Variants in CFAP251 observed in about 807,000 individuals in gnomAD.
The protein encoded by CFAP251 is cilia- and flagella-associated protein 251.
A neutral mutation model predicts 126.7 loss-of-function variants in CFAP251; 93 were observed. The ratio of observed to expected loss-of-function variants is 0.73; its 90% CI spans 0.62 to 0.87. CFAP251 has a LOEUF of 0.87. Among genes scored for constraint, CFAP251 ranks in the 40% least tolerant of loss-of-function variants. The probability of loss-of-function intolerance (pLI) is 0.00; values close to 1 mark genes in which losing one functional copy is unlikely to be tolerated. For synonymous variants in CFAP251, 503 were observed against 506.9 expected, an observed-to-expected ratio of 0.99 and a Z score of 0.10; for missense variants, 1,287 against 1,389.2, an observed-to-expected ratio of 0.93 and a Z score of 1.17.
chr12:121,992,380 G>C, intron 19 of CFAP251: 2 of 985,386 alleles, frequency 2.0e-6, no homozygotes, highest in Non-Finnish European at 2.4e-6. Flanking sequence ...AGTCATACGG[G>C]AAGAGAGAGT....
intron 3 of CFAP251, among the ~76,000 whole-genome samples, chr12:121,926,476 A>T (rs984404011): frequency 6.6e-6 from 1 of 151,946 alleles, no homozygotes; most frequent in Non-Finnish European, 1.5e-5. Context: ...ACAGGTGTGT[A>T]TCACCACACC....
chr12:121,947,843 T>A (rs1300182831), intron 7 of CFAP251: 1 of 152,226 alleles, frequency 6.6e-6, no homozygotes, highest in East Asian at 1.9e-4. Flanking sequence ...CCCAGGCTTT[T>A]GTGCTGTTCT....
chr12:121,987,827 C>T (rs1230087213), intron 19 of CFAP251, among the ~76,000 whole-genome samples: 1 of 152,018 alleles, frequency 6.6e-6, no homozygotes, highest in Admixed American at 6.6e-5. Flanking sequence ...ACCGAGGGCA[C>T]AGCCAGGGTT....
chr12:121,948,957 A>T, intron 7 of CFAP251, 27 bp from the exon 8 acceptor site: 1 of 1,337,760 alleles, frequency 7.5e-7, no homozygotes, highest in South Asian at 1.4e-5. Flanking sequence ...ATTTATCATT[A>T]ATGTATTTTC....
At chr12:121,948,840 A>G (rs1565909353) in intron 7 of CFAP251, 144 bp from the exon 8 acceptor site, 3 of 502,284 alleles carry the variant, frequency 6.0e-6, no homozygotes, top group East Asian at 3.6e-5. Flanking sequence ...TGATATTCCT[A>G]TTTTTTTTTA....
intron 17 of CFAP251, chr12:121,969,616 G>T: frequency 1.3e-6 from 1 of 772,766 alleles, no homozygotes; most frequent in East Asian, 1.3e-4. Context: ...CTCCTGAGTA[G>T]CTGGGACCAC....
intron 19 of CFAP251, among the ~76,000 whole-genome samples, chr12:121,993,774 G>GT (rs1565925403): frequency 2.8e-5 from 3 of 107,130 alleles, no homozygotes; most frequent in African/African-American, 7.0e-5. Flanking sequence ...TGCCCGGCCA[G>GT]CACCCCGTCC....
intron 8 of CFAP251, chr12:121,950,961 G>C (rs1881499508): frequency 1.3e-5 from 2 of 152,098 alleles, no homozygotes; most frequent in Non-Finnish European, 2.9e-5. Context: ...GCTCACGCCT[G>C]TAATCCCAAC....
At chr12:121,991,336 C>T (rs1882870283) in intron 19 of CFAP251, among the ~76,000 whole-genome samples, 1 of 152,204 alleles carries the variant, frequency 6.6e-6, no homozygotes, top group African/African-American at 2.4e-5. Context: ...TGCACCGCAG[C>T]TGCCACCCAT....
chr12:121,966,830 T>C lies in CFAP251; in HGVS notation c.2493-125T>C, dbSNP rs944817615. The C allele has an allele frequency of 1.1e-4, 80 of 741,462 alleles. 2 individuals are homozygous for C. The highest frequency in any genetic ancestry group is 6.6e-4 in the Admixed American group (28 of 42,294). 45.9% of individuals were successfully genotyped at this position (741,462 alleles called of 1,614,324 possible). ...CAAACTCCTGACCTTGTGATCCGCCTGCCTTGGCCTCCCGAAGTGCTGGGA... is the reference window on the plus strand; with the variant it reads ...CAAACTCCTGACCTTGTGATCCGCCCGCCTTGGCCTCCCGAAGTGCTGGGA... On this transcript the variant is annotated intron_variant, in intron 15 of 21. Coordinates refer to ENST00000288912, the MANE Select transcript of CFAP251 (RefSeq NM_144668.6).
Position 121,989,430 on chromosome 12 carries a change from G to T in CFAP251, c.3007-10286G>T, listed in dbSNP as rs533134798. ...TGCCCCACTCCTGGAAAAAGAGGCA[G>T]TCGCCATCCAGATCTAGTTCCTGGA... On this transcript the variant is annotated intron_variant, in intron 19 of 21. Transcript: ENST00000288912. The surrounding 1 kb of genome is among the most constrained non-coding windows in gnomAD (Gnocchi z 4.2). 6.6e-6 allele frequency among the ~76,000 whole-genome samples: 1 copy of T among 152,254 alleles called. No individual in the cohort carries two copies. The highest frequency in any genetic ancestry group is 1.9e-4 in the East Asian group (1 of 5,196).
chr12:121,923,074 C>T (rs973597314), intron 2 of CFAP251, among the ~76,000 whole-genome samples: 6 of 151,928 alleles, frequency 3.9e-5, no homozygotes, highest in African/African-American at 9.7e-5. Context: ...GGATTACAGG[C>T]GTGAACCACC....
intron 15 of CFAP251, among the ~76,000 whole-genome samples, chr12:121,963,072 G>A (rs1406546405): frequency 6.6e-6 from 1 of 152,154 alleles, no homozygotes; most frequent in East Asian, 1.9e-4. Context: ...GACATGTTCT[G>A]ATTGATGCTT....
chr12:121,991,478 C>G (rs1040285707), intron 19 of CFAP251, among the ~76,000 whole-genome samples: 2 of 152,200 alleles, frequency 1.3e-5, no homozygotes, highest in South Asian at 2.1e-4. Context: ...ATTGACTTCA[C>G]GTGACCTAGG....
chr12:121,984,432 G>A (rs1882698308), intron 19 of CFAP251, among the ~76,000 whole-genome samples: 1 of 151,810 alleles, frequency 6.6e-6, no homozygotes, highest in African/African-American at 2.4e-5. Flanking sequence ...TCAGCCTCCC[G>A]AGTATCTGAG....
At chr12:121,942,379 A>G (rs1272624552) in intron 5 of CFAP251, among the ~76,000 whole-genome samples, 155 bp from the exon 6 acceptor site, 1 of 152,124 alleles carries the variant, frequency 6.6e-6, no homozygotes, top group African/African-American at 2.4e-5. Flanking sequence ...TCAGTGCTTC[A>G]TTCCCTTTTA....
intron 19 of CFAP251, among the ~76,000 whole-genome samples, chr12:121,977,071 G>A (rs1411862088): frequency 2.0e-5 from 3 of 152,156 alleles, no homozygotes; most frequent in African/African-American, 4.8e-5. Flanking sequence ...CATCGTTATT[G>A]TGTGAACATC....
At chr12:121,951,914 G>A (rs564121392) in intron 9 of CFAP251, among the ~76,000 whole-genome samples, 25 of 151,694 alleles carry the variant, frequency 1.6e-4, no homozygotes, top group Non-Finnish European at 2.9e-4. Flanking sequence ...AGTAGAGACG[G>A]GGTTTCACTG....
At chr12:121,965,038 T>C (rs1882074398) in intron 15 of CFAP251, among the ~76,000 whole-genome samples, 2 of 152,222 alleles carry the variant, frequency 1.3e-5, no homozygotes. Context: ...ATAAAGCATC[T>C]TGTAAGCTGT....
Sources: allele counts gnomAD v4.1 joint callset (sites outside exome capture counted in the v4.1 genomes callset), GRCh38; gene constraint gnomAD v4.1.1; non-coding constraint Gnocchi (gnomAD v3.1); transcripts MANE v1.5; gene names NCBI Gene and HGNC (gene_info 2026-07-23, HGNC 2026-07-21).